Variants in IFI16 observed in about 807,000 individuals in gnomAD.
IFI16 encodes gamma-interferon-inducible protein 16.
A neutral mutation model predicts 68.4 loss-of-function variants in IFI16; 49 were observed. That is an observed-to-expected ratio of 0.72 (90% confidence interval 0.57 to 0.91). The LOEUF (loss-of-function observed/expected upper bound fraction) is 0.91, where lower values mean the gene tolerates loss of function less well. IFI16 is among the 40% of genes least tolerant of loss of function. The pLI is 0.00. For synonymous variants in IFI16, 307 were observed against 315.0 expected (o/e 0.97, Z 0.27); for missense variants, 878 against 942.9 (o/e 0.93, Z 0.90).
chr1:159,034,376 G>C (rs1654190309), intron 7 of IFI16, among the ~76,000 whole-genome samples: 1 of 152,172 alleles, frequency 6.6e-6, no homozygotes, highest in Non-Finnish European at 1.5e-5. Context: ...AGTGCTTCCT[G>C]ACTCAAGAGG....
At chr1:159,007,746 A>C (rs1198978946), upstream of IFI16, among the ~76,000 whole-genome samples, 1 of 152,154 alleles carries the variant, frequency 6.6e-6, no homozygotes, top group Non-Finnish European at 1.5e-5. Flanking sequence ...ACCCTGCATA[A>C]ATATGGCTAT....
chr1:159,014,729 A>G lies in IFI16; in HGVS notation c.49A>G (p.Ile17Val). ...TGTTCTACTAAAAGGATTAGAGGTC[A>G]TCAATGATTATCATTTTAGAATGGT... The part of the protein sequence containing the change: ...NIVLLKGLEV[I>V]NDYHFRMVKS... The change falls in exon 2 of 12, where the codon ATC becomes GTC. Residue 17 changes from isoleucine to valine, a missense_variant. Transcript: ENST00000295809. 2 of 1,608,830 alleles carry G rather than the reference A, an allele frequency of 1.2e-6. No individual in the cohort carries two copies. Among genetic ancestry groups the G allele is most frequent in the Non-Finnish European group, 1.7e-6 (2 of 1,175,440 alleles).
chr1:159,028,088 C>T (rs1653780671), intron 6 of IFI16, among the ~76,000 whole-genome samples: 2 of 116,012 alleles, frequency 1.7e-5, no homozygotes, highest in Non-Finnish European at 4.0e-5. Context: ...TTCTCTGGTT[C>T]CTTGAGATGT....
In IFI16 at chr1:159,049,488, G is replaced by A. The variant is rs747197136; in HGVS notation, c.1554G>A (p.Lys518=). 1 of 1,574,618 alleles carries A rather than the reference G, an allele frequency of 6.4e-7. No homozygotes were observed. Among genetic ancestry groups the A allele is most frequent in the African/African-American group, 1.4e-5 (1 of 72,690 alleles). ...ACTTCATGAGGATGCAGATACTGAA[G>A]GAAGGGAGTCATTTTCCAGGACCGT... ...MNDFMRMQIL[K]EGSHFPGPFM... The change falls in exon 9 of 12, where the codon AAG becomes AAA. Residue 518 remains lysine (K), a synonymous_variant. Coordinates refer to ENST00000295809, the MANE Select transcript of IFI16 (RefSeq NM_001376587.1).
intron 6 of IFI16, among the ~76,000 whole-genome samples, chr1:159,025,288 G>A (rs1348852528): frequency 4.6e-5 from 7 of 152,128 alleles, no homozygotes; most frequent in Admixed American, 3.9e-4. Flanking sequence ...TGGCCTTGGG[G>A]ATGAGGGGCA....
Position 159,032,638 on chromosome 1 carries a change from C to T in IFI16, c.1276C>T (p.Leu426Phe). The change falls in exon 7 of 12, where the codon CTT becomes TTT. Residue 426 changes from leucine (L) to phenylalanine (F), a missense_variant. Transcript: ENST00000295809. ...CAGCACAACCTTCCCTGAGAGCCAT[C>T]TTCGGACTCCTCAGATGCCACCAAC... ...EASTTFPESH[L>F]RTPQMPPTTP... 1.9e-6 allele frequency: 3 copies of T among 1,612,042 alleles called. No individual in the cohort carries two copies. Among genetic ancestry groups the T allele is most frequent in the Middle Eastern group, 3.3e-4 (2 of 6,058 alleles).
intron 6 of IFI16, among the ~76,000 whole-genome samples, chr1:159,021,794 C>T (rs1653334268): frequency 6.6e-6 from 1 of 152,134 alleles, no homozygotes. Flanking sequence ...TATGGCCATT[C>T]TTGCACGAGT....
rs192840502 is a variant in IFI16 at position 159,048,196 on chromosome 1, C to A, written c.1498-1236C>A. ...GTTCATCAGAGCAGACACGCAAACC[C>A]CTAATAGATCGTGGAAAAATAATAG... On this transcript the variant is annotated intron_variant, in intron 8 of 11. Coordinates refer to ENST00000295809, the MANE Select transcript of IFI16 (RefSeq NM_001376587.1). Among the ~76,000 whole-genome samples the A allele has an allele frequency of 1.3e-5, 2 of 151,234 alleles. 1 individual carries two copies. The highest frequency in any genetic ancestry group is 1.3e-4 in the Admixed American group (2 of 15,088).
rs567815914 is a variant in IFI16 at position 159,011,007 on chromosome 1, T to C, written c.-21+846T>C. 2.6e-5 allele frequency among the ~76,000 whole-genome samples: 4 copies of C among 152,374 alleles called. No individual in the cohort carries two copies. The South Asian group carries it at 6.2e-4, about 24-fold the overall frequency. On this transcript the variant is annotated intron_variant, in intron 1 of 11. Transcript: ENST00000295809. ...AGATAAATGTTGTTAATTACGTTGT[T>C]CAAATTTATTATATCATTACAGATT... is the stretch of plus-strand genomic sequence containing the variant.
Position 159,053,696 on chromosome 1 carries a change from T to A in IFI16, c.2249T>A (p.Leu750Ter). ...LAPKSGNTGE[L>*]RSVIHSHIKV... is the part of the protein sequence containing the mutation. ...CCGAAAAGTGGGAATACCGGGGAGT[T>A]GAGATCTGTAATTCATAGTCACATC... Residue 750 changes from leucine (L) to a stop codon, truncating the protein, a stop_gained, in exon 11 of 12, where the codon TTG becomes TAG. Coordinates refer to ENST00000295809, the MANE Select transcript of IFI16 (RefSeq NM_001376587.1). LOFTEE classifies it low-confidence loss of function (END_TRUNC). 1.2e-6 allele frequency: 2 copies of A among 1,613,822 alleles called. No homozygotes were observed. The highest frequency in any genetic ancestry group is 1.7e-6 in the Non-Finnish European group (2 of 1,179,812).
intron 6 of IFI16, among the ~76,000 whole-genome samples, chr1:159,029,460 T>C (rs949107482): frequency 6.6e-6 from 1 of 152,208 alleles, no homozygotes; most frequent in Non-Finnish European, 1.5e-5. Flanking sequence ...GGTGACTATG[T>C]GCCTAGGCGA....
intron 6 of IFI16, among the ~76,000 whole-genome samples, chr1:159,027,010 G>A (rs1161083409): frequency 1.3e-5 from 2 of 152,196 alleles, no homozygotes; most frequent in East Asian, 1.9e-4. Context: ...TGCCGATTTG[G>A]ATTTCCTTTA....
Position 159,015,850 on chromosome 1 carries a change from A to G in IFI16, c.266-22A>G, listed in dbSNP as rs762736524. 2.6e-6 allele frequency: 4 copies of G among 1,534,152 alleles called. No individual in the cohort carries two copies. The East Asian group carries it at 9.0e-5, about 34-fold the overall frequency. On this transcript the variant is annotated intron_variant, in intron 2 of 11. Coordinates refer to ENST00000295809, the MANE Select transcript of IFI16 (RefSeq NM_001376587.1). The stretch of plus-strand genomic sequence containing the variant: ...CTTCCTTTTTTCTGCATTGGTTGGG[A>G]ATAAAATTGAATCTATTCCAGTAAA...
intron 6 of IFI16, among the ~76,000 whole-genome samples, chr1:159,024,539 A>C (rs776684706): frequency 6.6e-6 from 1 of 152,224 alleles, no homozygotes; most frequent in Admixed American, 6.5e-5. Context: ...AGTAGTTTAA[A>C]GGATGTAGTC....
rs1655520245 is a variant in IFI16, at chr1:159,053,957, A to G, written c.2277+233A>G. ...CCATGATACCTAAGTTAAATAAGAA[A>G]GAATTGGTTGCTTTTACCACAATGT... is the stretch of plus-strand genomic sequence containing the variant. On this transcript the variant is annotated intron_variant, in intron 11 of 11. Coordinates refer to ENST00000295809, the MANE Select transcript of IFI16 (RefSeq NM_001376587.1). Among the ~76,000 whole-genome samples the G allele has an allele frequency of 2.6e-5, 4 of 152,352 alleles. No homozygotes were observed. The South Asian group carries it at 6.2e-4, about 24-fold the overall frequency.
chr1:159,015,663 A>G, intron 2 of IFI16: 2 of 529,368 alleles, frequency 3.8e-6, no homozygotes, highest in South Asian at 4.4e-5. Context: ...AGTGCTGAGG[A>G]GCATGAGTCA....
intron 1 of IFI16, among the ~76,000 whole-genome samples, chr1:159,012,498 A>G (rs965397704): frequency 1.3e-5 from 2 of 152,248 alleles, no homozygotes; most frequent in African/African-American, 4.8e-5. Context: ...AAGATTATAC[A>G]TAGCCTACTG....
At chr1:159,010,834 AG>A (rs1202592642) in intron 1 of IFI16, among the ~76,000 whole-genome samples, 1 of 152,016 alleles carries the variant, frequency 6.6e-6, no homozygotes, top group Non-Finnish European at 1.5e-5. Flanking sequence ...GGCAAGGTAT[AG>A]GGGAGTGGAG....
Position 159,043,074 on chromosome 1 carries a change from G to C in IFI16, c.1330-2223G>C, listed in dbSNP as rs538984344. On this transcript the variant is annotated intron_variant, in intron 7 of 11. Coordinates refer to ENST00000295809, the MANE Select transcript of IFI16 (RefSeq NM_001376587.1). ...CCATCACACATGTCAGTTGAGGACA[G>C]GCTTTCTACATGTGGGTTTTCTCAA... is the stretch of plus-strand genomic sequence containing the variant. 3.3e-5 allele frequency among the ~76,000 whole-genome samples: 5 copies of C among 152,298 alleles called. No homozygotes were observed. In the East Asian group the frequency reaches 9.6e-4, roughly 29 times the overall value.
Sources: gnomAD v4.1 joint callset for allele counts (sites outside exome capture counted in the v4.1 genomes callset) on GRCh38, gnomAD v4.1.1 for gene constraint, MANE v1.5 for transcripts, NCBI Gene and HGNC (gene_info 2026-07-23, HGNC 2026-07-21) for gene names.